The following KIF5C variants were observed in gnomAD, a reference collection of about 807,000 sequenced individuals.
The protein encoded by KIF5C is kinesin heavy chain isoform 5C.
In KIF5C, 18 loss-of-function variants were observed where a neutral mutation model predicts 125.2. The ratio of observed to expected loss-of-function variants is 0.14; its 90% CI spans 0.10 to 0.21. The LOEUF is 0.21. KIF5C is among the 10% of genes least tolerant of loss of function. KIF5C has a pLI of 1.00. For missense variants in KIF5C, 780 were observed against 1,183.8 expected (o/e 0.66, Z 5.01); for synonymous variants, 405 against 434.0 (o/e 0.93, Z 0.83).
chr2:148,961,942 G>A, intron 10 of KIF5C, 29 bp from the exon 11 acceptor site: 2 of 1,600,248 alleles, frequency 1.2e-6, no homozygotes, highest in South Asian at 1.1e-5. Flanking sequence ...ATAATTAGCT[G>A]AATTGTCCCC....
chr2:149,017,257 G>A (rs1682389882), intron 25 of KIF5C, among the ~76,000 whole-genome samples: 1 of 152,194 alleles, frequency 6.6e-6, no homozygotes, highest in Non-Finnish European at 1.5e-5. Flanking sequence ...GGGCAGAGGA[G>A]GAAGCACAGC....
intron 25 of KIF5C, among the ~76,000 whole-genome samples, chr2:149,019,862 A>G (rs569540527): frequency 2.0e-5 from 3 of 152,336 alleles, no homozygotes; most frequent in East Asian, 3.9e-4. Flanking sequence ...AACTTCCTTC[A>G]TTAGCTTTCC....
intron 13 of KIF5C, among the ~76,000 whole-genome samples, chr2:148,980,610 A>T (rs1681204609): frequency 6.6e-6 from 1 of 152,114 alleles, no homozygotes; most frequent in African/African-American, 2.4e-5. Context: ...AATCCTGATA[A>T]CACTTAAAAA....
At chr2:148,918,780 G>C (rs976300891) in intron 1 of KIF5C, among the ~76,000 whole-genome samples, 10 of 152,302 alleles carry the variant, frequency 6.6e-5, no homozygotes, top group Middle Eastern at 3.4e-3. Context: ...CAAGGAATTG[G>C]TATCTGATTT....
chr2:148,903,329 C>T (rs1680977012), intron 1 of KIF5C, among the ~76,000 whole-genome samples: 1 of 152,210 alleles, frequency 6.6e-6, no homozygotes, highest in Admixed American at 6.5e-5. Context: ...CTCATTCCAG[C>T]AGAATTTAAG....
chr2:148,890,406 C>G (rs773585307), intron 1 of KIF5C, among the ~76,000 whole-genome samples: 3 of 152,058 alleles, frequency 2.0e-5, no homozygotes, highest in Admixed American at 6.6e-5. Context: ...GAGGCTGAAG[C>G]AGGAAGATCA....
At chr2:148,976,281 A>ATTTATTTATTTT (rs1425536086) in intron 12 of KIF5C, among the ~76,000 whole-genome samples, 1 of 142,436 alleles carries the variant, frequency 7.0e-6, no homozygotes, top group East Asian at 2.0e-4. Context: ...TTATTTATTT[A>ATTTATTTATTTT]TTTTTTGAGA....
At chr2:148,930,565 A>T (rs1198738242) in intron 3 of KIF5C, among the ~76,000 whole-genome samples, 2 of 152,194 alleles carry the variant, frequency 1.3e-5, no homozygotes, top group Non-Finnish European at 2.9e-5. Context: ...CGGCTGCTGC[A>T]GAATCGGTTT....
At chr2:148,926,819 C>G (rs1682018621) in intron 2 of KIF5C, among the ~76,000 whole-genome samples, 1 of 152,162 alleles carries the variant, frequency 6.6e-6, no homozygotes, top group African/African-American at 2.4e-5. Flanking sequence ...CGATAGAGGG[C>G]GACGTCGGCT....
intron 3 of KIF5C, among the ~76,000 whole-genome samples, chr2:148,935,589 G>A (rs1029141863): frequency 1.7e-4 from 26 of 152,164 alleles, no homozygotes; most frequent in Admixed American, 1.3e-3. Flanking sequence ...AAGTTATCAA[G>A]ATTTGAGATT....
chr2:149,022,529 T>G (rs1274776460), intron 25 of KIF5C, among the ~76,000 whole-genome samples: 1 of 152,152 alleles, frequency 6.6e-6, no homozygotes, highest in East Asian at 1.9e-4. Flanking sequence ...GTAATACCAG[T>G]TACATGTTGA....
chr2:148,956,273 T>C (rs1682790533), intron 10 of KIF5C, among the ~76,000 whole-genome samples: 1 of 152,180 alleles, frequency 6.6e-6, no homozygotes, highest in African/African-American at 2.4e-5. Context: ...AATTCAGTGA[T>C]GGAAGGATTG....
intron 11 of KIF5C, among the ~76,000 whole-genome samples, chr2:148,970,540 T>A (rs531352627): frequency 3.9e-5 from 6 of 152,370 alleles, no homozygotes; most frequent in Admixed American, 3.9e-4. Flanking sequence ...ACAATGTGGC[T>A]TTAGCATCCT....
At chr2:149,008,197 C>G in intron 23 of KIF5C, 130 bp downstream of exon 23, 1 of 1,201,436 alleles carries the variant, frequency 8.3e-7, no homozygotes, top group Non-Finnish European at 1.1e-6. Flanking sequence ...TATCAGAGGA[C>G]ATGAGGGCTG....
chr2:148,985,981 A>G (rs890798193), intron 15 of KIF5C, among the ~76,000 whole-genome samples: 5 of 152,152 alleles, frequency 3.3e-5, no homozygotes, highest in Non-Finnish European at 7.4e-5. Flanking sequence ...CAATTTGGTG[A>G]TTTTATATTT....
intron 1 of KIF5C, among the ~76,000 whole-genome samples, chr2:148,912,251 G>T (rs1681369687): frequency 6.6e-6 from 1 of 152,136 alleles, no homozygotes; most frequent in Non-Finnish European, 1.5e-5. Context: ...AATTCCACAT[G>T]TGTGTGGCCA....
At chr2:148,886,836 C>T (rs1681541844) in intron 1 of KIF5C, among the ~76,000 whole-genome samples, 1 of 152,168 alleles carries the variant, frequency 6.6e-6, no homozygotes, top group Non-Finnish European at 1.5e-5. Flanking sequence ...AGGATATATC[C>T]TAGAGTAACA....
At chr2:148,957,604 A>AC (rs1558917061) in intron 10 of KIF5C, among the ~76,000 whole-genome samples, 32 of 41,730 alleles carry the variant, frequency 7.7e-4, no homozygotes, top group Admixed American at 1.4e-3. Context: ...AAAAAAAAAA[A>AC]AAAAAAAAAA....
intron 6 of KIF5C, 117 bp downstream of exon 6, chr2:148,942,107 G>T: frequency 2.6e-6 from 3 of 1,142,662 alleles, no homozygotes; most frequent in Non-Finnish European, 3.7e-6. Flanking sequence ...ATTTATTCAG[G>T]CTCCTTATAT....
Sources: allele counts gnomAD v4.1 joint callset (sites outside exome capture counted in the v4.1 genomes callset), GRCh38; gene constraint gnomAD v4.1.1; transcripts MANE v1.5; gene names NCBI Gene and HGNC (gene_info 2026-07-23, HGNC 2026-07-21).